Variants in RGL1 observed in about 807,000 individuals in gnomAD.
RGL1 encodes the protein ral guanine nucleotide dissociation stimulator-like 1.
A neutral mutation model predicts 95.2 loss-of-function variants in RGL1; 24 were observed. That is an observed-to-expected ratio of 0.25 (90% CI 0.18 to 0.35). RGL1 has a LOEUF of 0.35. Among genes scored for constraint, RGL1 ranks in the 10% least tolerant of loss-of-function variants. The pLI, the probability that RGL1 is intolerant of heterozygous loss-of-function variation, is 1.00. For synonymous variants in RGL1, 329 were observed against 344.9 expected (o/e 0.95, Z 0.51); for missense variants, 715 against 936.3 (o/e 0.76, Z 3.08).
intron 4 of RGL1, among the ~76,000 whole-genome samples, chr1:183,876,507 C>A (rs2102625160): frequency 6.6e-6 from 1 of 152,346 alleles, no homozygotes; most frequent in South Asian, 2.1e-4. Context: ...TGTGAGCCAC[C>A]AAAGATTACT....
chr1:183,822,031 G>A (rs915275228), intron 2 of RGL1, among the ~76,000 whole-genome samples: 1 of 152,078 alleles, frequency 6.6e-6, no homozygotes, highest in African/African-American at 2.4e-5. Context: ...AAGATGTAGG[G>A]GTGGTCACCA....
intron 2 of RGL1, among the ~76,000 whole-genome samples, chr1:183,750,786 C>G (rs1361617159): frequency 6.6e-6 from 1 of 152,222 alleles, no homozygotes; most frequent in Non-Finnish European, 1.5e-5. Context: ...ATTTCTTTCT[C>G]TTTGTTAATT....
At chr1:183,685,259 A>G (rs1307726367) in intron 1 of RGL1, among the ~76,000 whole-genome samples, 1 of 152,212 alleles carries the variant, frequency 6.6e-6, no homozygotes, top group Non-Finnish European at 1.5e-5. Context: ...ATGGAAAGGA[A>G]ACGCCAGCAG....
At chr1:183,864,855 G>A (rs930963941) in intron 3 of RGL1, among the ~76,000 whole-genome samples, 18 of 152,236 alleles carry the variant, frequency 1.2e-4, no homozygotes, top group African/African-American at 3.9e-4. Flanking sequence ...ATGGACTGGC[G>A]TTGGGTCAAA....
intron 2 of RGL1, chr1:183,754,363 C>T (rs1231432479): frequency 2.0e-5 from 3 of 152,044 alleles, no homozygotes; most frequent in Non-Finnish European, 2.9e-5. Flanking sequence ...GGTAACAAGT[C>T]CTATGTTGGT....
At chr1:183,821,371 A>G (rs1462419487) in intron 2 of RGL1, among the ~76,000 whole-genome samples, 3 of 152,208 alleles carry the variant, frequency 2.0e-5, no homozygotes, top group African/African-American at 7.2e-5. Flanking sequence ...AAAATATTAG[A>G]ATGTCATTAT....
intron 2 of RGL1, among the ~76,000 whole-genome samples, chr1:183,762,704 C>T (rs1192139232): frequency 6.6e-6 from 1 of 152,154 alleles, no homozygotes; most frequent in Non-Finnish European, 1.5e-5. Flanking sequence ...CTTCTCACAC[C>T]AGTTAGAATG....
At chr1:183,776,948 G>T (rs1659638437) in intron 2 of RGL1, among the ~76,000 whole-genome samples, 1 of 152,182 alleles carries the variant, frequency 6.6e-6, no homozygotes, top group East Asian at 1.9e-4. Context: ...TTTCTGGGGA[G>T]CCCAGAATCA....
chr1:183,812,055 G>A (rs1052225852), intron 2 of RGL1, among the ~76,000 whole-genome samples: 1 of 152,078 alleles, frequency 6.6e-6, no homozygotes, highest in African/African-American at 2.4e-5. Context: ...CTTTGCCCAT[G>A]GTATATGTGT....
chr1:183,661,435 T>C (rs995844416), intron 1 of RGL1, among the ~76,000 whole-genome samples: 8 of 152,082 alleles, frequency 5.3e-5, no homozygotes, highest in African/African-American at 9.7e-5. Context: ...AACACCTCTA[T>C]GCAAATAAAC....
chr1:183,806,494 A>G lies in RGL1; in HGVS notation c.138+9A>G. 3.8e-6 allele frequency: 6 copies of G among 1,587,430 alleles called. No individual in the cohort carries two copies. Among genetic ancestry groups the G allele is most frequent in the Non-Finnish European group, 5.2e-6 (6 of 1,155,930 alleles). On this transcript the variant is annotated intron_variant, in intron 2 of 17. Coordinates refer to ENST00000360851, the MANE Select transcript of RGL1 (RefSeq NM_001297671.3). ...GAGCAAGATGGCTAGGGGTGAGTAA[A>G]GCTGGCGAGATGGTGAACTTTGGAA... is the stretch of plus-strand genomic sequence containing the variant.
Position 183,926,239 on chromosome 1 carries a change from A to G in RGL1, c.2254A>G (p.Arg752Gly). 1.9e-6 allele frequency: 3 copies of G among 1,613,750 alleles called. No homozygotes were observed. Among genetic ancestry groups the G allele is most frequent in the Non-Finnish European group, 2.5e-6 (3 of 1,179,824 alleles). ...TAGCCGGACCAGCTTGACGTTGCCC[A>G]GGACAGCTAAACGGGGCTGCTGGAG... ...LRSRTSLTLP[R>G]TAKRGCWSNR... Residue 752 changes from arginine (R) to glycine (G), a missense_variant, in exon 18 of 18, where the codon AGG becomes GGG. Transcript: ENST00000360851.
Position 183,714,050 on chromosome 1 carries a change from A to G in RGL1, c.-32-28076A>G, listed in dbSNP as rs114099250. 2.9e-3 allele frequency among the ~76,000 whole-genome samples: 441 copies of G among 152,344 alleles called. 5 individuals carry two copies. The highest frequency in any genetic ancestry group is 0.01 in the African/African-American group (424 of 41,582). On this transcript the variant is annotated intron_variant, in intron 1 of 18. Transcript: ENST00000304685. ...GTGCTAAAATCTTAAGCCACGAGAA[A>G]TATGGAGCTTGTTTCCACCGCAGTG...
At chr1:183,888,426 A>G (rs1173973845) in intron 7 of RGL1, 48 bp from the exon 8 acceptor site, 2 of 1,085,184 alleles carry the variant, frequency 1.8e-6, no homozygotes, top group Non-Finnish European at 2.9e-6. Flanking sequence ...AAGTCATTGT[A>G]ATATTGATAG....
At chr1:183,769,723 T>G (rs1181024346) in intron 2 of RGL1, among the ~76,000 whole-genome samples, 2 of 152,230 alleles carry the variant, frequency 1.3e-5, no homozygotes, top group African/African-American at 4.8e-5. Context: ...TGATAGGTAA[T>G]CTAATGAAGG....
chr1:183,685,542 CTGTA>C (rs1289913824), intron 1 of RGL1, among the ~76,000 whole-genome samples: 1 of 152,054 alleles, frequency 6.6e-6, no homozygotes, highest in Non-Finnish European at 1.5e-5. Context: ...TTAAATGTTA[CTGTA>C]TGTAATATTA....
intron 5 of RGL1, among the ~76,000 whole-genome samples, chr1:183,882,433 A>G (rs2102642931): frequency 6.6e-6 from 1 of 152,306 alleles, no homozygotes; most frequent in East Asian, 1.9e-4. Context: ...CTGAACCTTT[A>G]TTTGGGATCC....
At chr1:183,904,338 T>G (rs1452200340) in intron 12 of RGL1, among the ~76,000 whole-genome samples, 1 of 152,216 alleles carries the variant, frequency 6.6e-6, no homozygotes, top group Admixed American at 6.5e-5. Context: ...ACTGTTTAGA[T>G]ACTCAGCCCT....
intron 2 of RGL1, among the ~76,000 whole-genome samples, chr1:183,809,713 G>A (rs751048123): frequency 2.6e-5 from 4 of 152,260 alleles, no homozygotes; most frequent in African/African-American, 7.2e-5. Context: ...GAGAGGCCAA[G>A]GCAGGCTAAT....
Sources: allele counts gnomAD v4.1 joint callset (sites outside exome capture counted in the v4.1 genomes callset), GRCh38; gene constraint gnomAD v4.1.1; transcripts MANE v1.5; gene names NCBI Gene and HGNC (gene_info 2026-07-23, HGNC 2026-07-21).